PKNOX2: variants seen among roughly 807,000 people sequenced by gnomAD.
PKNOX2 encodes the protein homeobox protein PKNOX2.
In PKNOX2, 14 loss-of-function variants were observed where a neutral mutation model predicts 53.1. That is an observed-to-expected ratio of 0.26 (90% CI 0.17 to 0.41). The LOEUF (loss-of-function observed/expected upper bound fraction) is 0.41, where lower values mean the gene tolerates loss of function less well. Among genes scored for constraint, PKNOX2 ranks in the 10% least tolerant of loss-of-function variants. The pLI, the probability that PKNOX2 is intolerant of heterozygous loss-of-function variation, is 1.00. For missense variants in PKNOX2, 496 were observed against 602.8 expected, an observed-to-expected ratio of 0.82 and a Z score of 1.85; for synonymous variants, 257 against 242.8, an observed-to-expected ratio of 1.06 and a Z score of -0.54.
At chr11:125,346,987 C>CA (rs537522135) in intron 3 of PKNOX2, among the ~76,000 whole-genome samples, 132 of 152,260 alleles carry the variant, frequency 8.7e-4, no homozygotes, top group African/African-American at 2.9e-3. Context: ...AAGAGGGTAA[C>CA]ATCACTGCAA....
chr11:125,203,521 A>G (rs1430205096), intron 1 of PKNOX2, among the ~76,000 whole-genome samples: 1 of 152,194 alleles, frequency 6.6e-6, no homozygotes, highest in East Asian at 1.9e-4. Context: ...GAGCCAGGCA[A>G]TGGGCAGAGC....
chr11:125,253,260 C>T (rs1944141747), intron 2 of PKNOX2, among the ~76,000 whole-genome samples: 1 of 152,116 alleles, frequency 6.6e-6, no homozygotes, highest in African/African-American at 2.4e-5. Flanking sequence ...TGCATGATAG[C>T]CTCTCAGTCC....
chr11:125,284,973 G>T (rs1326824814), intron 2 of PKNOX2, among the ~76,000 whole-genome samples: 1 of 151,966 alleles, frequency 6.6e-6, no homozygotes, highest in Non-Finnish European at 1.5e-5. Context: ...TGATTGAGTG[G>T]GAGGCTTTGT....
intron 4 of PKNOX2, among the ~76,000 whole-genome samples, chr11:125,361,830 C>T (rs1208594385): frequency 2.0e-5 from 3 of 152,222 alleles, no homozygotes; most frequent in Admixed American, 6.5e-5. Context: ...CAGCTGAATG[C>T]AACTTGGGCC....
At chr11:125,174,513 A>G (rs935675571) in intron 1 of PKNOX2, among the ~76,000 whole-genome samples, 1 of 152,156 alleles carries the variant, frequency 6.6e-6, no homozygotes, top group Non-Finnish European at 1.5e-5. Context: ...CTATTCTCCT[A>G]CGACTGTCTG....
At chr11:125,418,810 C>T (rs1177228355) in intron 10 of PKNOX2, among the ~76,000 whole-genome samples, 3 of 152,090 alleles carry the variant, frequency 2.0e-5, no homozygotes, top group South Asian at 2.1e-4. Flanking sequence ...GAACATGTAT[C>T]GCCTTTTTTC....
rs115360010 is a variant in PKNOX2, at chr11:125,260,911, G to A, written c.-130+25796G>A. On this transcript the variant is annotated intron_variant, in intron 2 of 12. Transcript: ENST00000298282. ...GAAGTGGGAAGGAAGCTGGCCCACA[G>A]TGGAAGGCCTCAGTGAATTTCTGAC... 4.0e-3 allele frequency among the ~76,000 whole-genome samples: 615 copies of A among 152,324 alleles called. 2 individuals are homozygous for A. Among genetic ancestry groups the A allele is most frequent in the African/African-American group, 0.012 (506 of 41,576 alleles).
chr11:125,267,105 A>G (rs1945414138), intron 2 of PKNOX2, among the ~76,000 whole-genome samples: 1 of 152,148 alleles, frequency 6.6e-6, no homozygotes, highest in South Asian at 2.1e-4. Context: ...CCTGATCGGT[A>G]TCTCCATTTG....
chr11:125,263,825 G>C (rs1311676010), intron 2 of PKNOX2, among the ~76,000 whole-genome samples: 2 of 152,252 alleles, frequency 1.3e-5, no homozygotes, highest in African/African-American at 4.8e-5. Context: ...GTTGGAAGAA[G>C]TGTCAGGTCT....
chr11:125,315,303 G>GCAAAAAAAAAAAAAAAAAAAAAAAAA (rs1949087067), intron 2 of PKNOX2, among the ~76,000 whole-genome samples: 5 of 79,456 alleles, frequency 6.3e-5, no homozygotes, highest in African/African-American at 1.9e-4. Flanking sequence ...TGTGAAGCAG[G>GCAAAAAAAAAAAAAAAAAAAAAAAAA]AAAAAAAAAA....
At chr11:125,342,436 C>T (rs960253532) in intron 3 of PKNOX2, among the ~76,000 whole-genome samples, 2 of 152,168 alleles carry the variant, frequency 1.3e-5, no homozygotes, top group South Asian at 2.1e-4. Context: ...CTCCCCCCAG[C>T]TCCCAGTGAG....
chr11:125,281,970 G>A (rs1440808425), intron 2 of PKNOX2, among the ~76,000 whole-genome samples: 3 of 152,180 alleles, frequency 2.0e-5, no homozygotes, highest in South Asian at 2.1e-4. Context: ...GCTGACATTC[G>A]AGTTACTCAA....
chr11:125,396,598 G>C (rs866167656), intron 6 of PKNOX2, among the ~76,000 whole-genome samples: 2 of 139,522 alleles, frequency 1.4e-5, no homozygotes, highest in African/African-American at 2.6e-5. Flanking sequence ...AAAAAAAAAA[G>C]CTATAAGCTT....
intron 6 of PKNOX2, among the ~76,000 whole-genome samples, chr11:125,389,563 C>T (rs559936591): frequency 5.3e-5 from 8 of 152,318 alleles, no homozygotes; most frequent in African/African-American, 1.4e-4. Flanking sequence ...CTCACCAGGA[C>T]GATTCCTAAG....
intron 1 of PKNOX2, among the ~76,000 whole-genome samples, chr11:125,179,872 A>T (rs1464363229): frequency 2.6e-5 from 4 of 152,198 alleles, no homozygotes; most frequent in African/African-American, 7.2e-5. Context: ...TGCATTAGGT[A>T]TTTTGCCCTC....
rs972438660 is a variant in PKNOX2, at chr11:125,352,245, T to C, written c.87+853T>C. Among the ~76,000 whole-genome samples, 1 of 152,232 alleles carries C rather than the reference T, an allele frequency of 6.6e-6. No individual in the cohort carries two copies. The highest frequency in any genetic ancestry group is 1.5e-5 in the Non-Finnish European group (1 of 68,038). Reference sequence around the variant, plus strand: ...TGTGCTTTCACAGAAGCCTTCATTCTCTGACCCTTCCCTTCACACTCTCCT... The same window carrying C: ...TGTGCTTTCACAGAAGCCTTCATTCCCTGACCCTTCCCTTCACACTCTCCT... On this transcript the variant is annotated intron_variant, in intron 4 of 12. Coordinates refer to ENST00000298282, the MANE Select transcript of PKNOX2 (RefSeq NM_001382323.2). This position sits in a 1 kb window ranked among gnomAD's most constrained non-coding sequence, Gnocchi z 4.1.
intron 1 of PKNOX2, among the ~76,000 whole-genome samples, chr11:125,180,095 G>C (rs772446088): frequency 2.6e-5 from 4 of 152,234 alleles, no homozygotes; most frequent in African/African-American, 9.6e-5. Context: ...GAGGGCCCCC[G>C]CGTGTACTGG....
chr11:125,431,492 G>A lies in PKNOX2; in HGVS notation c.*100G>A, dbSNP rs1306246932. ...GGGGACATGGGCAGGAAGCACCGAG[G>A]GAGTTGGGCCCTAGCTTCCCCAAAT... On this transcript the variant is annotated 3_prime_UTR_variant, in exon 13 of 13. Transcript: ENST00000298282. 1.8e-6 allele frequency: 2 copies of A among 1,141,308 alleles called. No individual in the cohort carries two copies. The highest frequency in any genetic ancestry group is 1.6e-5 in the African/African-American group (1 of 63,400). The allele number at this position is 1,141,308 out of a possible 1,614,324, so 70.7% of individuals were successfully genotyped here.
At chr11:125,288,348 C>T (rs996870086) in intron 2 of PKNOX2, among the ~76,000 whole-genome samples, 1 of 152,162 alleles carries the variant, frequency 6.6e-6, no homozygotes, top group Non-Finnish European at 1.5e-5. Flanking sequence ...GGAAGGGGTC[C>T]AGGCATTTTC....
Sources: allele counts gnomAD v4.1 joint callset (sites outside exome capture counted in the v4.1 genomes callset), GRCh38; gene constraint gnomAD v4.1.1; non-coding constraint Gnocchi (gnomAD v3.1); transcripts MANE v1.5; gene names NCBI Gene and HGNC (gene_info 2026-07-23, HGNC 2026-07-21).